CCNG1: variants seen among roughly 807,000 people sequenced by gnomAD.
CCNG1 encodes cyclin G1.
In CCNG1, 13 loss-of-function variants were observed where a neutral mutation model predicts 30.0. That is an observed-to-expected ratio of 0.43 (90% confidence interval 0.28 to 0.69). CCNG1 has a LOEUF of 0.69. Among genes scored for constraint, CCNG1 ranks in the 30% least tolerant of loss-of-function variants. The pLI, the probability that CCNG1 is intolerant of heterozygous loss-of-function variation, is 0.16. For synonymous variants in CCNG1, 110 were observed against 121.5 expected, an observed-to-expected ratio of 0.91 and a Z score of 0.62; for missense variants, 285 against 331.4, an observed-to-expected ratio of 0.86 and a Z score of 1.09.
downstream of CCNG1, chr5:163,446,156 T>C (rs1181213328): frequency 5.3e-5 from 8 of 152,272 alleles, no homozygotes; most frequent in East Asian, 1.9e-4. Flanking sequence ...CCTTTTATAA[T>C]TGACTTGCCT....
At chr5:163,453,882 G>C in the CCNG1 span, 3 of 626,730 alleles carry the variant, frequency 4.8e-6, no homozygotes, top group South Asian at 6.7e-5. Flanking sequence ...GTAGGCATCC[G>C]CATTTTTCTT....
the CCNG1 span, chr5:163,451,162 T>C: frequency 2.0e-5 from 3 of 152,190 alleles, no homozygotes; most frequent in African/African-American, 7.2e-5. Context: ...TATACAAGGT[T>C]TCTATCTGAG....
chr5:163,437,803 A>G lies in CCNG1; in HGVS notation c.-2A>G, dbSNP rs1231708071. The G allele has an allele frequency of 1.3e-5, 2 of 152,456 alleles. No individual in the cohort carries two copies. The highest frequency in any genetic ancestry group is 2.9e-5 in the Non-Finnish European group (2 of 68,306). 9.4% of individuals were successfully genotyped at this position (152,456 alleles called of 1,614,324 possible). ...CGCTGAGGAGCTGCAGTCTCTGTCA[A>G]GGTGAGTGGGACTGCGCGGGAGTTG... On this transcript the variant is annotated splice_region_variant and 5_prime_UTR_variant, in exon 1 of 7. Transcript: ENST00000340828.
the CCNG1 span, chr5:163,454,118 A>T: frequency 5.2e-6 from 4 of 762,824 alleles, no homozygotes; most frequent in Admixed American, 2.8e-5. Context: ...CAAACTGGCA[A>T]TTGATAAAAA....
At position 163,439,442 on chromosome 5, in the gene CCNG1, A is replaced by G; in HGVS notation, c.186A>G (p.Leu62=). ...RDFEVKDLLS[L]TQFFGFDTET... ...TTGAAGTAAAAGATCTTCTTAGTCT[A>G]ACTCAGTTCTTTGGCTTTGACACAG... is the stretch of plus-strand genomic sequence containing the variant. Residue 62 remains leucine (L), a synonymous_variant, in exon 2 of 7, where the codon CTA becomes CTG. Transcript: ENST00000340828. The G allele has an allele frequency of 6.2e-7, 1 of 1,613,766 alleles. No individual in the cohort carries two copies. Among genetic ancestry groups the G allele is most frequent in the South Asian group, 1.1e-5 (1 of 91,082 alleles).
downstream of CCNG1, chr5:163,446,893 T>TA (rs1346172466): frequency 6.6e-6 from 1 of 152,148 alleles, no homozygotes; most frequent in Non-Finnish European, 1.5e-5. Flanking sequence ...CGCATGCCTG[T>TA]AGTACCAGTT....
rs192535026 is a variant in CCNG1, at chr5:163,444,835, T to A, written c.*1165T>A. The A allele has an allele frequency of 6.6e-6, 1 of 152,652 alleles. No homozygotes were observed. Among genetic ancestry groups the A allele is most frequent in the Non-Finnish European group, 1.5e-5 (1 of 68,034 alleles). 9.5% of individuals were successfully genotyped at this position (152,652 alleles called of 1,614,324 possible). A position where few individuals can be genotyped will look rare whatever the true frequency, so the allele number is the denominator to read the frequency against. Reference sequence around the variant, plus strand: ...AAAAACCAAAGAACCACAGTATATCTTATTCTTAACTTTTGTAAACCATGT... The same window carrying A: ...AAAAACCAAAGAACCACAGTATATCATATTCTTAACTTTTGTAAACCATGT... On this transcript the variant is annotated 3_prime_UTR_variant, in exon 7 of 7. Coordinates refer to ENST00000340828, the MANE Select transcript of CCNG1 (RefSeq NM_004060.4).
In CCNG1 at chr5:163,439,433, T is replaced by C; in HGVS notation, c.177T>C (p.Leu59=). 1 of 1,613,856 alleles carries C rather than the reference T, an allele frequency of 6.2e-7. No individual in the cohort carries two copies. Residue 59 remains leucine, a synonymous_variant, in exon 2 of 7, where the codon CTT becomes CTC. Transcript: ENST00000340828. ...ARLRDFEVKD[L]LSLTQFFGFD... The stretch of plus-strand genomic sequence containing the variant: ...TAAGGGACTTTGAAGTAAAAGATCT[T>C]CTTAGTCTAACTCAGTTCTTTGGCT...
downstream of CCNG1, among the ~76,000 whole-genome samples, chr5:163,445,235 T>C (rs565809359): frequency 2.0e-5 from 3 of 151,884 alleles, no homozygotes; most frequent in African/African-American, 4.8e-5. Context: ...CTCTCTCTAC[T>C]CAGTATATTT....
the CCNG1 span, chr5:163,454,090 T>C: frequency 9.3e-6 from 10 of 1,070,812 alleles, no homozygotes; most frequent in Middle Eastern, 4.9e-4. Context: ...ATAAAACTTA[T>C]AAGGAAAAAT....
At chr5:163,448,091 TG>T (rs1252100521), downstream of CCNG1, 1 of 151,638 alleles carries the variant, frequency 6.6e-6, no homozygotes, top group African/African-American at 2.4e-5. Context: ...CCCACGAGTT[TG>T]AGGCTGCAGT....
the CCNG1 span, among the ~76,000 whole-genome samples, chr5:163,456,773 T>C: frequency 1.3e-5 from 2 of 152,184 alleles, no homozygotes; most frequent in African/African-American, 2.4e-5. Flanking sequence ...ATCAAATCCA[T>C]ACAAGAAAGG....
At chr5:163,443,569 A>C (rs1251884495) in intron 6 of CCNG1, 105 bp from the exon 7 acceptor site, 1 of 650,564 alleles carries the variant, frequency 1.5e-6, no homozygotes, top group Non-Finnish European at 2.7e-6. Context: ...ATACATCTAC[A>C]TGTGATTATG....
the CCNG1 span, among the ~76,000 whole-genome samples, chr5:163,454,716 C>A: frequency 3.3e-5 from 5 of 152,160 alleles, no homozygotes; most frequent in African/African-American, 7.2e-5. Context: ...AGATATTTAA[C>A]CCTCACAACA....
At chr5:163,457,188 GC>G in the CCNG1 span, 2 of 1,192,108 alleles carry the variant, frequency 1.7e-6, no homozygotes, top group Non-Finnish European at 2.3e-6. Flanking sequence ...CTGGAGTGCA[GC>G]GGCTTGATCT....
downstream of CCNG1, chr5:163,448,648 A>T (rs942321156): frequency 6.6e-6 from 1 of 152,218 alleles, no homozygotes; most frequent in Non-Finnish European, 1.5e-5. Flanking sequence ...ATGATACCAT[A>T]CCAAGATAAA....
downstream of CCNG1, chr5:163,446,210 C>G (rs1245578327): frequency 6.6e-6 from 1 of 152,170 alleles, no homozygotes; most frequent in African/African-American, 2.4e-5. Flanking sequence ...TAAAAAGTAT[C>G]TGAACCTTGT....
chr5:163,454,694 T>C, the CCNG1 span, among the ~76,000 whole-genome samples: 1 of 152,218 alleles, frequency 6.6e-6, no homozygotes. Context: ...TTCTAAGAGC[T>C]ATACATATAT....
chr5:163,441,970 T>C lies in CCNG1; in HGVS notation c.597+6T>C. Reference sequence around the variant, plus strand: ...TCATATTTTCTAAAGCAAAGGTAAATATTTTATAAAGATTATGCCTATTGA... The same window carrying C: ...TCATATTTTCTAAAGCAAAGGTAAACATTTTATAAAGATTATGCCTATTGA... On this transcript the variant is annotated splice_donor_region_variant and intron_variant, in intron 4 of 6. Transcript: ENST00000340828. 1 of 1,601,930 alleles carries C rather than the reference T, an allele frequency of 6.2e-7. No homozygotes were observed. Among genetic ancestry groups the C allele is most frequent in the Non-Finnish European group, 8.6e-7 (1 of 1,169,432 alleles).
Sources: gnomAD v4.1 joint callset for allele counts (sites outside exome capture counted in the v4.1 genomes callset) on GRCh38, gnomAD v4.1.1 for gene constraint, MANE v1.5 for transcripts, NCBI Gene and HGNC (gene_info 2026-07-23, HGNC 2026-07-21) for gene names.